Variants in PLA2G3 observed in about 807,000 individuals in gnomAD.
PLA2G3 encodes phospholipase A2 group III.
A neutral mutation model predicts 51.3 loss-of-function variants in PLA2G3; 39 were observed. That is an observed-to-expected ratio of 0.76 (90% CI 0.59 to 0.99). The LOEUF is 0.99. PLA2G3 is among the 50% of genes least tolerant of loss of function. The pLI is 0.00. For missense variants in PLA2G3, 677 were observed against 662.1 expected (o/e 1.02, Z -0.25); for synonymous variants, 293 against 263.1 (o/e 1.11, Z -1.10).
Position 31,136,949 on chromosome 22 carries a change from G to A in PLA2G3, c.1158C>T (p.Asn386=). 6.2e-7 allele frequency: 1 copy of A among 1,600,798 alleles called. No homozygotes were observed. Among genetic ancestry groups the A allele is most frequent in the South Asian group, 1.1e-5 (1 of 89,754 alleles). ...GPREIEFQLL[N]SAQEPLFHCN... ...AGTGGAAGAGGGGCTCTTGGGCGCT[G>A]TTGAGCAGCTGGAACTCGATTTCCC... Residue 386 remains asparagine (N), a synonymous_variant, in exon 5 of 7, where the codon AAC becomes AAT. Transcript: ENST00000215885.
Position 31,137,667 on chromosome 22 carries a change from C to T in PLA2G3, c.1066+43G>A. The T allele has an allele frequency of 2.6e-6, 4 of 1,528,348 alleles. No homozygotes were observed. In the Admixed American group the frequency reaches 6.4e-5, roughly 24 times the overall value. 94.7% of individuals were successfully genotyped at this position (1,528,348 alleles called of 1,614,324 possible). ...CCACCCCTAAACAGAAGCAGGGACA[C>T]CCCCTCATGTCAGGAACCCCCAAGG... On this transcript the variant is annotated intron_variant, in intron 4 of 6. Coordinates refer to ENST00000215885, the MANE Select transcript of PLA2G3 (RefSeq NM_015715.5).
Position 31,136,718 on chromosome 22 carries a change from C to G in PLA2G3, c.1281G>C (p.Lys427Asn). 6.2e-7 allele frequency: 1 copy of G among 1,613,478 alleles called. No individual in the cohort carries two copies. The highest frequency in any genetic ancestry group is 8.5e-7 in the Non-Finnish European group (1 of 1,179,818). ...LWELLGTTCF[K>N]LAPPLDCVEG... ...CCACACAGTCCAGTGGAGGGGCCAG[C>G]TTGAAGCAGGTTGTGCCCAGCAGCT... is the stretch of plus-strand genomic sequence containing the variant. The change falls in exon 6 of 7, where the codon AAG becomes AAC. Residue 427 changes from lysine (K) to asparagine (N), a missense_variant. Transcript: ENST00000215885.
rs1922503995 is a variant in PLA2G3, at chr22:31,135,463, C to T, written c.*260G>A. On this transcript the variant is annotated 3_prime_UTR_variant, in exon 7 of 7. Transcript: ENST00000215885. ...TGAAGTTCCCTGGCAAGGCCAAAGC[C>T]CAGGGCATCAGAATGAGCTTCCTGA... 7.6e-6 allele frequency: 4 copies of T among 529,650 alleles called. No individual in the cohort carries two copies. The highest frequency in any genetic ancestry group is 1.0e-5 in the Non-Finnish European group (3 of 295,216). The allele number at this position is 529,650 out of a possible 1,614,324, so 32.8% of individuals were successfully genotyped here.
At position 31,140,115 on chromosome 22, in the gene PLA2G3, G is replaced by A. The variant is rs148262601; in HGVS notation, c.240C>T (p.Thr80=). 24 of 1,612,968 alleles carry A rather than the reference G, an allele frequency of 1.5e-5. No individual in the cohort carries two copies. Among genetic ancestry groups the A allele is most frequent in the African/African-American group, 2.7e-5 (2 of 74,920 alleles). ...GAGCACAGAGAGCACCGTAGGCTGC[G>A]GTGAGCTCCGGCTCATCCTCCCAGC... is the stretch of plus-strand genomic sequence containing the variant. ...SCSWEDEPEL[T]AAYGALCAHE... Residue 80 remains threonine (T), a synonymous_variant, in exon 1 of 7, where the codon ACC becomes ACT. Coordinates refer to ENST00000215885, the MANE Select transcript of PLA2G3 (RefSeq NM_015715.5).
Position 31,140,235 on chromosome 22 carries a change from G to C in PLA2G3, c.120C>G (p.Asn40Lys). The C allele has an allele frequency of 6.2e-7, 1 of 1,612,644 alleles. No homozygotes were observed. Among genetic ancestry groups the C allele is most frequent in the Non-Finnish European group, 8.5e-7 (1 of 1,180,006 alleles). Residue 40 changes from asparagine to lysine, a missense_variant, in exon 1 of 7, where the codon AAC becomes AAG. Coordinates refer to ENST00000215885, the MANE Select transcript of PLA2G3 (RefSeq NM_015715.5). Reference sequence around the variant, plus strand: ...CCAGGAAGCTCAGGTACCCCAGTGGGTTGCCAGGGACGGCCTTGGTCAAGT... The same window carrying C: ...CCAGGAAGCTCAGGTACCCCAGTGGCTTGCCAGGGACGGCCTTGGTCAAGT... Reference protein sequence around the residue: ...SCHLTKAVPGNPLGYLSFLAK... With the variant: ...SCHLTKAVPGKPLGYLSFLAK...
At chr22:31,137,562 C>T (rs1922648022) in intron 4 of PLA2G3, 148 bp downstream of exon 4, 1 of 740,240 alleles carries the variant, frequency 1.4e-6, no homozygotes, top group Non-Finnish European at 2.2e-6. Context: ...TTATGAAAAT[C>T]CTGTGCTGCA....
In PLA2G3 at chr22:31,137,936, A is replaced by C. The variant is rs373367834; in HGVS notation, c.840T>G (p.Asn280Lys). The change falls in exon 4 of 7, where the codon AAT (asparagine) becomes AAG (lysine). Residue 280 changes from asparagine (N) to lysine (K), a missense_variant. Asn to Lys is a moderately conservative substitution (Grantham distance 94). Coordinates refer to ENST00000215885, the MANE Select transcript of PLA2G3 (RefSeq NM_015715.5). ...AGGTGGCCCGGGAGCTCCAGGAGGC[A>C]TTGTAGAAGGTCCTGGGCTGCAGGC... ...LARLQPRTFY[N>K]ASWSSRATSP... is the part of the protein sequence containing the mutation. The C allele has an allele frequency of 1.2e-6, 2 of 1,610,928 alleles. No individual in the cohort carries two copies. The highest frequency in any genetic ancestry group is 2.7e-5 in the African/African-American group (2 of 74,828).
intron 1 of PLA2G3, 119 bp downstream of exon 1, chr22:31,139,722 G>A (rs1922782692): frequency 1.5e-6 from 1 of 670,738 alleles, no homozygotes; most frequent in African/African-American, 1.8e-5. Context: ...GGAAATTGAG[G>A]TTCACCATGG....
Position 31,137,755 on chromosome 22 carries a change from C to T in PLA2G3, c.1021G>A (p.Ala341Thr). The change falls in exon 4 of 7, where the codon GCC becomes ACC. Residue 341 changes from alanine (A) to threonine (T), a missense_variant. By Grantham distance (58) the Ala-to-Thr change is moderately conservative. Transcript: ENST00000215885. ...DPMVSPRLDV[A>T]PTGLQGPQGG... Reference sequence around the variant, plus strand: ...TGTGGGCCCTGGAGGCCTGTGGGGGCCACATCAAGCCTGGGAGAGACCATA... The same window carrying T: ...TGTGGGCCCTGGAGGCCTGTGGGGGTCACATCAAGCCTGGGAGAGACCATA... 6.2e-7 allele frequency: 1 copy of T among 1,613,198 alleles called. No homozygotes were observed. The highest frequency in any genetic ancestry group is 8.5e-7 in the Non-Finnish European group (1 of 1,179,782).
Position 31,137,783 on chromosome 22 carries a change from G to A in PLA2G3, c.993C>T (p.Asp331=). 1 of 1,614,032 alleles carries A rather than the reference G, an allele frequency of 6.2e-7. No individual in the cohort carries two copies. The highest frequency in any genetic ancestry group is 8.5e-7 in the Non-Finnish European group (1 of 1,179,986). The change falls in exon 4 of 7, where the codon GAC becomes GAT. Residue 331 remains aspartate (D), a synonymous_variant. Transcript: ENST00000215885. ...PSKANTTALQ[D]PMVSPRLDVA... Reference sequence around the variant, plus strand: ...CATCAAGCCTGGGAGAGACCATAGGGTCCTGGAGGGCTGTGGTGTTGGCTT... The same window carrying A: ...CATCAAGCCTGGGAGAGACCATAGGATCCTGGAGGGCTGTGGTGTTGGCTT...
In PLA2G3 at chr22:31,140,476, A is replaced by G; in HGVS notation, c.-122T>C. On this transcript the variant is annotated 5_prime_UTR_variant, in exon 1 of 7. Coordinates refer to ENST00000215885, the MANE Select transcript of PLA2G3 (RefSeq NM_015715.5). ...CCAGCAGGCCCGGTGCGGCGGGACC[A>G]ATGAATGGAGCTGCGGGAGGAGGAG... The G allele has an allele frequency of 9.0e-7, 1 of 1,112,310 alleles. No homozygotes were observed. Among genetic ancestry groups the G allele is most frequent in the Admixed American group, 2.5e-5 (1 of 40,664 alleles). 68.9% of individuals were successfully genotyped at this position (1,112,310 alleles called of 1,614,324 possible).
Position 31,140,225 on chromosome 22 carries a change from A to G in PLA2G3, c.130T>C (p.Tyr44His), listed in dbSNP as rs1295872819. 8 of 1,612,470 alleles carry G rather than the reference A, an allele frequency of 5.0e-6. 1 individual carries two copies. The Admixed American group carries it at 8.3e-5, about 17-fold the overall frequency. Residue 44 changes from tyrosine to histidine, a missense_variant, in exon 1 of 7, where the codon TAC becomes CAC. Physicochemically the swap from Tyr to His is moderately conservative, Grantham distance 83. Coordinates refer to ENST00000215885, the MANE Select transcript of PLA2G3 (RefSeq NM_015715.5). ...GCATCCTTGGCCAGGAAGCTCAGGT[A>G]CCCCAGTGGGTTGCCAGGGACGGCC... ...TKAVPGNPLG[Y>H]LSFLAKDAQG...
chr22:31,140,259 G>T lies in PLA2G3; in HGVS notation c.96C>A (p.His32Gln), dbSNP rs773780010. ...PALRWYRTSC[H>Q]LTKAVPGNPL... ...GGTTGCCAGGGACGGCCTTGGTCAA[G>T]TGGCAGGAGGTCCTGTACCAGCGGA... The change falls in exon 1 of 7, where the codon CAC (histidine) becomes CAA (glutamine). Residue 32 changes from histidine to glutamine, a missense_variant. Transcript: ENST00000215885. The T allele has an allele frequency of 6.2e-7, 1 of 1,612,448 alleles. No homozygotes were observed. The highest frequency in any genetic ancestry group is 8.5e-7 in the Non-Finnish European group (1 of 1,179,980).
chr22:31,135,651 G>C lies in PLA2G3; in HGVS notation c.*72C>G, dbSNP rs1197854617. The C allele has an allele frequency of 2.6e-6, 3 of 1,151,460 alleles. No individual in the cohort carries two copies. The African/African-American group carries it at 4.6e-5, about 17-fold the overall frequency. 71.3% of individuals were successfully genotyped at this position (1,151,460 alleles called of 1,614,324 possible). The stretch of plus-strand genomic sequence containing the variant: ...CTTCAGTCTAACCTACGGAGGGGAG[G>C]CTGAGATTCCCAAGGCTTGGCATAG... On this transcript the variant is annotated 3_prime_UTR_variant, in exon 7 of 7. Transcript: ENST00000215885.
chr22:31,138,193 C>G (rs1254258924), intron 3 of PLA2G3, 83 bp downstream of exon 3: 2 of 1,521,210 alleles, frequency 1.3e-6, no homozygotes, highest in East Asian at 2.3e-5. Flanking sequence ...GGAAGACAGA[C>G]AGACAGATAG....
rs1382766068 is a variant in PLA2G3, at chr22:31,138,281, C to G, written c.777G>C (p.Trp259Cys). The change falls in exon 3 of 7, where the codon TGG becomes TGC. Residue 259 changes from tryptophan to cysteine, a missense_variant. Transcript: ENST00000215885. ...EQEACVAWYWWGGCRMYGTVP... is the reference protein window; with the variant it reads ...EQEACVAWYWCGGCRMYGTVP... The stretch of plus-strand genomic sequence containing the variant: ...ATGAGGGGGTGGCCACGTACCCGCC[C>G]CACCAGTACCACGCCACACACGCCT... 1 of 1,613,662 alleles carries G rather than the reference C, an allele frequency of 6.2e-7. No individual in the cohort carries two copies. Among genetic ancestry groups the G allele is most frequent in the East Asian group, 2.2e-5 (1 of 44,876 alleles).
At chr22:31,138,219 C>T in intron 3 of PLA2G3, 57 bp downstream of exon 3, 1 of 1,591,144 alleles carries the variant, frequency 6.3e-7, no homozygotes, top group South Asian at 1.1e-5. Context: ...CCTCACCAGG[C>T]TTGGAGCCTG....
rs903113082 is a variant in PLA2G3 at position 31,136,949 on chromosome 22, G to T, written c.1158C>A (p.Asn386Lys). 6.2e-7 allele frequency: 1 copy of T among 1,600,796 alleles called. No homozygotes were observed. Among genetic ancestry groups the T allele is most frequent in the Non-Finnish European group, 8.5e-7 (1 of 1,174,242 alleles). The change falls in exon 5 of 7, where the codon AAC (asparagine) becomes AAA (lysine). Residue 386 changes from asparagine (N) to lysine (K), a missense_variant. By Grantham distance (94) the Asn-to-Lys change is moderately conservative. Coordinates refer to ENST00000215885, the MANE Select transcript of PLA2G3 (RefSeq NM_015715.5). ...AGTGGAAGAGGGGCTCTTGGGCGCT[G>T]TTGAGCAGCTGGAACTCGATTTCCC... is the stretch of plus-strand genomic sequence containing the variant. ...GPREIEFQLL[N>K]SAQEPLFHCN...
At position 31,140,361 on chromosome 22, in the gene PLA2G3, C is replaced by T. The variant is rs548774719; in HGVS notation, c.-7G>A. On this transcript the variant is annotated 5_prime_UTR_variant, in exon 1 of 7. In the 5' UTR this introduces an upstream ATG that the reference lacks. Transcript: ENST00000215885. Reference sequence around the variant, plus strand: ...GCCCTGCCTGAACCCCCATTCTGCACTGGCCCAGTCCAGTCAGACAAAGCC... The same window carrying T: ...GCCCTGCCTGAACCCCCATTCTGCATTGGCCCAGTCCAGTCAGACAAAGCC... 4.4e-6 allele frequency: 7 copies of T among 1,579,770 alleles called. No homozygotes were observed. In the Admixed American group the frequency reaches 7.0e-5, roughly 16 times the overall value.
Sources: allele counts gnomAD v4.1 joint callset, GRCh38; gene constraint gnomAD v4.1.1; transcripts MANE v1.5; gene names NCBI Gene and HGNC (gene_info 2026-07-23, HGNC 2026-07-21).